RAB3D: variants seen among roughly 807,000 people sequenced by gnomAD.
The protein encoded by RAB3D is ras-related protein Rab-3D.
RAB3D carries 17 observed loss-of-function variants against 19.3 expected under a neutral mutation model. The observed-to-expected ratio is 0.88, with a 90% CI of 0.60 to 1.32. The LOEUF (loss-of-function observed/expected upper bound fraction) is 1.32, where lower values mean the gene tolerates loss of function less well. Ranked by LOEUF, RAB3D falls within the 40% of genes most tolerant of loss-of-function variation. RAB3D has a pLI of 0.00. For missense variants in RAB3D, 223 were observed against 299.1 expected, an observed-to-expected ratio of 0.75 and a Z score of 1.88; for synonymous variants, 103 against 119.9, an observed-to-expected ratio of 0.86 and a Z score of 0.92.
Position 11,322,568 on chromosome 19 carries a change from G to A in RAB3D, c.*2830C>T, listed in dbSNP as rs2080786345. 1 of 152,134 alleles carries A rather than the reference G, an allele frequency of 6.6e-6. No individual in the cohort carries two copies. Among genetic ancestry groups the A allele is most frequent in the African/African-American group, 2.4e-5 (1 of 41,394 alleles). 9.4% of individuals were successfully genotyped at this position (152,134 alleles called of 1,614,324 possible). On this transcript the variant is annotated 3_prime_UTR_variant, in exon 5 of 5. Transcript: ENST00000222120. ...AAACTCAACAAACCTCCGTTTCCCT[G>A]AGGTAATCTGCAAAAACATCAGTTT... is the stretch of plus-strand genomic sequence containing the variant.
At chr19:11,336,766 C>T (rs542498429) in intron 2 of RAB3D, among the ~76,000 whole-genome samples, 1 of 151,836 alleles carries the variant, frequency 6.6e-6, no homozygotes, top group South Asian at 2.1e-4. Flanking sequence ...GTCAGGAGTT[C>T]GAGACCAGCC....
At position 11,334,752 on chromosome 19, in the gene RAB3D, A is replaced by G. The variant is rs567149945; in HGVS notation, c.472+695T>C. Among the ~76,000 whole-genome samples the G allele has an allele frequency of 4.6e-5, 7 of 152,302 alleles. No homozygotes were observed. In the East Asian group the frequency reaches 7.7e-4, roughly 17 times the overall value. On this transcript the variant is annotated intron_variant, in intron 4 of 4. Coordinates refer to ENST00000222120, the MANE Select transcript of RAB3D (RefSeq NM_004283.4). ...ATCCTGGCTAACATGGTGAAACCCC[A>G]TCTTTACTAAAAATATAAAAAATTA...
At chr19:11,335,807 G>T in intron 2 of RAB3D, 24 bp from the exon 3 acceptor site, 2 of 1,601,208 alleles carry the variant, frequency 1.2e-6, no homozygotes, top group Non-Finnish European at 1.7e-6. Context: ...AGTGGCAGTT[G>T]GCTGGGAACT....
At chr19:11,329,686 T>C (rs1234489540) in intron 4 of RAB3D, among the ~76,000 whole-genome samples, 1 of 151,982 alleles carries the variant, frequency 6.6e-6, no homozygotes, top group Non-Finnish European at 1.5e-5. Context: ...CCAATCTTCT[T>C]TTTGTGTGTG....
In RAB3D at chr19:11,334,128, A is replaced by G. The variant is rs556896609; in HGVS notation, c.472+1319T>C. Among the ~76,000 whole-genome samples the G allele has an allele frequency of 2.5e-3, 387 of 152,310 alleles. 2 individuals are homozygous for G. The Middle Eastern group carries it at 0.034, about 13-fold the overall frequency. Reference sequence around the variant, plus strand: ...ATATTTACTATCTGGCCCTTTAAGAAAAGGTTTGCTGACTCCTGGACTAAA... The same window carrying G: ...ATATTTACTATCTGGCCCTTTAAGAGAAGGTTTGCTGACTCCTGGACTAAA... On this transcript the variant is annotated intron_variant, in intron 4 of 4. Coordinates refer to ENST00000222120, the MANE Select transcript of RAB3D (RefSeq NM_004283.4).
intron 4 of RAB3D, 143 bp downstream of exon 4, chr19:11,335,304 G>A (rs34346796): frequency 0.032 from 38,595 of 1,220,682 alleles, 766 homozygotes; most frequent in African/African-American, 0.072. Flanking sequence ...CCTGCAATTA[G>A]ACGGGACATG....
At position 11,325,463 on chromosome 19, in the gene RAB3D, T is replaced by G; in HGVS notation, c.595A>C (p.Ser199Arg). ...ESLEPSSSSG[S>R]NGKGPAVGDA... ...CCCACGGCCGGGCCTTTCCCGTTGCTGCCTGAGCTGGAGCTGGGTTCCAGG... is the reference window on the plus strand; with the variant it reads ...CCCACGGCCGGGCCTTTCCCGTTGCGGCCTGAGCTGGAGCTGGGTTCCAGG... Residue 199 changes from serine (S) to arginine (R), a missense_variant, in exon 5 of 5, where the codon AGC becomes CGC. Physicochemically the swap from Ser to Arg is moderately radical, Grantham distance 110 (BLOSUM62 -1). Coordinates refer to ENST00000222120, the MANE Select transcript of RAB3D (RefSeq NM_004283.4). The G allele has an allele frequency of 1.2e-6, 2 of 1,612,194 alleles. No homozygotes were observed. The highest frequency in any genetic ancestry group is 1.3e-5 in the African/African-American group (1 of 75,048).
intron 1 of RAB3D, among the ~76,000 whole-genome samples, chr19:11,337,777 C>A (rs1193409631): frequency 6.6e-6 from 1 of 151,610 alleles, no homozygotes; most frequent in African/African-American, 2.4e-5. Flanking sequence ...CTCGAGTGAT[C>A]CTCCTGCCTC....
In RAB3D at chr19:11,325,452, T is replaced by C; in HGVS notation, c.606A>G (p.Lys202=). ...CTGGAGCATCCCCCACGGCCGGGCC[T>C]TTCCCGTTGCTGCCTGAGCTGGAGC... ...EPSSSSGSNG[K]GPAVGDAPAP... is the part of the protein sequence containing the mutation. Residue 202 remains lysine (K), a synonymous_variant, in exon 5 of 5, where the codon AAA becomes AAG. Transcript: ENST00000222120. 3 of 1,610,642 alleles carry C rather than the reference T, an allele frequency of 1.9e-6. No homozygotes were observed. The highest frequency in any genetic ancestry group is 2.5e-6 in the Non-Finnish European group (3 of 1,179,934).
At chr19:11,338,362 C>T (rs557999345) in intron 1 of RAB3D, among the ~76,000 whole-genome samples, 7 of 152,202 alleles carry the variant, frequency 4.6e-5, no homozygotes, top group Admixed American at 2.0e-4. Flanking sequence ...CGTGTGCAGC[C>T]GGTGTGGCCC....
intron 4 of RAB3D, among the ~76,000 whole-genome samples, chr19:11,326,098 T>C (rs563079967): frequency 6.6e-6 from 1 of 152,038 alleles, no homozygotes; most frequent in Non-Finnish European, 1.5e-5. Flanking sequence ...GGCACGCGTC[T>C]GTAATCCCAG....
chr19:11,327,255 G>A (rs1008426163), intron 4 of RAB3D, among the ~76,000 whole-genome samples: 6 of 152,106 alleles, frequency 3.9e-5, no homozygotes, highest in Non-Finnish European at 8.8e-5. Flanking sequence ...GAATGAATGG[G>A]TAAATGAACA....
Position 11,325,342 on chromosome 19 carries a change from C to T in RAB3D, c.*56G>A, listed in dbSNP as rs1021976766. 2.9e-5 allele frequency: 36 copies of T among 1,226,192 alleles called. No individual in the cohort carries two copies. In the African/African-American group the frequency reaches 4.3e-4, roughly 15 times the overall value. 76.0% of individuals were successfully genotyped at this position (1,226,192 alleles called of 1,614,324 possible). On this transcript the variant is annotated 3_prime_UTR_variant, in exon 5 of 5. Transcript: ENST00000222120. ...GAGATAACCACTGTGGCTCACGCCTCGATCACAGTCCCTGCCGAGGCAGGA... is the reference window on the plus strand; with the variant it reads ...GAGATAACCACTGTGGCTCACGCCTTGATCACAGTCCCTGCCGAGGCAGGA...
rs55670943 is a variant in RAB3D, at chr19:11,330,698, T to C, written c.472+4749A>G. 4.3e-3 allele frequency among the ~76,000 whole-genome samples: 654 copies of C among 152,116 alleles called. 4 individuals are homozygous for C. Among genetic ancestry groups the C allele is most frequent in the Non-Finnish European group, 7.2e-3 (492 of 67,974 alleles). On this transcript the variant is annotated intron_variant, in intron 4 of 4. Coordinates refer to ENST00000222120, the MANE Select transcript of RAB3D (RefSeq NM_004283.4). ...CTGAGTAGCTGGGATTACAGGTGTG[T>C]ACCACCACACCCGGCTAATTTTTTT...
chr19:11,336,023 C>T (rs1025931929), intron 2 of RAB3D, among the ~76,000 whole-genome samples: 5 of 152,214 alleles, frequency 3.3e-5, no homozygotes, highest in South Asian at 2.1e-4. Context: ...GAGACTTGGG[C>T]TTGCCCTTGA....
intron 4 of RAB3D, among the ~76,000 whole-genome samples, chr19:11,329,275 G>A (rs888434720): frequency 1.3e-5 from 2 of 152,056 alleles, no homozygotes; most frequent in African/African-American, 4.8e-5. Flanking sequence ...TAGGGGATGT[G>A]TGTGTGCACA....
chr19:11,328,035 GA>G (rs2080821729), intron 4 of RAB3D, among the ~76,000 whole-genome samples: 1 of 151,126 alleles, frequency 6.6e-6, no homozygotes, highest in Non-Finnish European at 1.5e-5. Context: ...AGTCTCTAAA[GA>G]AAATATAAAA....
intron 4 of RAB3D, among the ~76,000 whole-genome samples, chr19:11,333,835 A>G (rs2080843243): frequency 1.3e-5 from 2 of 151,968 alleles, no homozygotes; most frequent in South Asian, 4.1e-4. Context: ...CTGGGATTAC[A>G]GGCGTCTGTC....
chr19:11,326,817 G>A (rs1330580057), intron 4 of RAB3D: 28 of 684,552 alleles, frequency 4.1e-5, no homozygotes, highest in East Asian at 2.8e-4. Context: ...GCTATGTTGC[G>A]CAGGCTGGTC....
Sources: gnomAD v4.1 joint callset for allele counts (sites outside exome capture counted in the v4.1 genomes callset) on GRCh38, gnomAD v4.1.1 for gene constraint, MANE v1.5 for transcripts, NCBI Gene and HGNC (gene_info 2026-07-23, HGNC 2026-07-21) for gene names.